Variants in ENOX1 observed in about 807,000 individuals in gnomAD.
The protein encoded by ENOX1 is ecto-NOX disulfide-thiol exchanger 1.
Under a neutral mutation model 82.5 loss-of-function variants are expected in ENOX1, and 42 were observed. That is an observed-to-expected ratio of 0.51 (90% CI 0.40 to 0.66). The LOEUF is 0.66. Among genes scored for constraint, ENOX1 ranks in the 30% least tolerant of loss-of-function variants. The pLI is 0.00. For missense variants in ENOX1, 608 were observed against 811.6 expected, an observed-to-expected ratio of 0.75 and a Z score of 3.05; for synonymous variants, 271 against 282.2, an observed-to-expected ratio of 0.96 and a Z score of 0.40.
intron 1 of ENOX1, among the ~76,000 whole-genome samples, chr13:43,755,794 C>T: frequency 6.6e-6 from 1 of 152,174 alleles, no homozygotes; most frequent in Admixed American, 6.5e-5. Flanking sequence ...ATGTTGATTA[C>T]TTTCTGGTAT....
intron 2 of ENOX1, among the ~76,000 whole-genome samples, chr13:43,502,061 A>G (rs1421121397): frequency 6.6e-6 from 1 of 151,642 alleles, no homozygotes; most frequent in African/African-American, 2.4e-5. Flanking sequence ...TGCCACAAAA[A>G]TAAAAAATAT....
intron 3 of ENOX1, among the ~76,000 whole-genome samples, chr13:43,448,144 C>A (rs537213472): frequency 1.3e-5 from 2 of 152,340 alleles, no homozygotes; most frequent in African/African-American, 4.8e-5. Flanking sequence ...TTGATTTTAT[C>A]AGCATTTGTC....
intron 5 of ENOX1, among the ~76,000 whole-genome samples, chr13:43,379,091 A>T (rs1482545171): frequency 1.3e-5 from 2 of 152,118 alleles, no homozygotes; most frequent in African/African-American, 4.8e-5. Flanking sequence ...GGAAAAGGCA[A>T]AAAAACAGAT....
At chr13:43,759,836 A>G (rs1360942241) in intron 1 of ENOX1, among the ~76,000 whole-genome samples, 5 of 152,224 alleles carry the variant, frequency 3.3e-5, no homozygotes, top group Non-Finnish European at 7.3e-5. Context: ...ATTAGGGCAT[A>G]TCCACCCACC....
At chr13:43,599,634 T>C (rs903719974) in intron 2 of ENOX1, among the ~76,000 whole-genome samples, 3 of 151,814 alleles carry the variant, frequency 2.0e-5, no homozygotes, top group Non-Finnish European at 4.4e-5. Context: ...TTCTGGTGCT[T>C]TGTTGGGCCA....
At position 43,434,701 on chromosome 13, in the gene ENOX1, T is replaced by C. The variant is rs181176106; in HGVS notation, c.-74-21713A>G. On this transcript the variant is annotated intron_variant, in intron 3 of 16. Transcript: ENST00000690772. ...ATTGGCAGTTTCATGTAGTTCAACCTAATATGTGTCAGGGAAAAAATATTA... is the reference window on the plus strand; with the variant it reads ...ATTGGCAGTTTCATGTAGTTCAACCCAATATGTGTCAGGGAAAAAATATTA... Among the ~76,000 whole-genome samples, 453 of 152,316 alleles carry C rather than the reference T, an allele frequency of 3.0e-3. 3 individuals are homozygous for C. The highest frequency in any genetic ancestry group is 0.011 in the African/African-American group (438 of 41,568).
intron 1 of ENOX1, among the ~76,000 whole-genome samples, chr13:43,714,064 T>C (rs1230804075): frequency 6.8e-6 from 1 of 145,998 alleles, no homozygotes; most frequent in East Asian, 2.0e-4. Flanking sequence ...GCTATAAATT[T>C]CCCTCTACAC....
intron 1 of ENOX1, among the ~76,000 whole-genome samples, chr13:43,720,335 C>T (rs529658721): frequency 6.5e-4 from 99 of 152,320 alleles, no homozygotes; most frequent in Non-Finnish European, 1.1e-3. Flanking sequence ...TCAGTGACTT[C>T]GCACAAGTTT....
chr13:43,297,582 T>C (rs926766221), intron 12 of ENOX1, among the ~76,000 whole-genome samples: 3 of 152,206 alleles, frequency 2.0e-5, no homozygotes, highest in Non-Finnish European at 2.9e-5. Flanking sequence ...GATACAAATC[T>C]GACTGTGAAT....
In ENOX1 at chr13:43,709,688, C is replaced by G. The variant is rs558269616; in HGVS notation, c.-284-42144G>C. 7.9e-5 allele frequency among the ~76,000 whole-genome samples: 12 copies of G among 151,918 alleles called. No individual in the cohort carries two copies. In the East Asian group the frequency reaches 2.3e-3, roughly 29 times the overall value. ...TAAATTATACATAGTTCAAGAAAATCTGAAAAAGATAAAAAGGTAGAAGTT... is the reference window on the plus strand; with the variant it reads ...TAAATTATACATAGTTCAAGAAAATGTGAAAAAGATAAAAAGGTAGAAGTT... On this transcript the variant is annotated intron_variant, in intron 1 of 16. Coordinates refer to ENST00000690772, the MANE Select transcript of ENOX1 (RefSeq NM_001347969.2).
chr13:43,244,706 T>C (rs1566320228), intron 14 of ENOX1, among the ~76,000 whole-genome samples: 1 of 152,142 alleles, frequency 6.6e-6, no homozygotes, highest in African/African-American at 2.4e-5. Flanking sequence ...GCGGCCTCCA[T>C]AGCTGCTAGT....
At chr13:43,484,756 TAAG>T (rs2076356179) in intron 2 of ENOX1, among the ~76,000 whole-genome samples, 1 of 152,244 alleles carries the variant, frequency 6.6e-6, no homozygotes, top group Non-Finnish European at 1.5e-5. Context: ...ACTAATTAAT[TAAG>T]AACTTGTCTT....
chr13:43,781,481 T>C (rs935667791), intron 1 of ENOX1, among the ~76,000 whole-genome samples: 1 of 152,196 alleles, frequency 6.6e-6, no homozygotes, highest in Non-Finnish European at 1.5e-5. Flanking sequence ...AAAACTACCA[T>C]ACACAGTTCT....
intron 5 of ENOX1, among the ~76,000 whole-genome samples, chr13:43,389,474 T>C (rs1407539846): frequency 1.3e-5 from 2 of 152,206 alleles, no homozygotes; most frequent in Admixed American, 6.5e-5. Flanking sequence ...ATTTAAAATA[T>C]GCATTCCTCT....
intron 3 of ENOX1, among the ~76,000 whole-genome samples, chr13:43,452,344 T>C (rs1456394939): frequency 6.6e-6 from 1 of 152,150 alleles, no homozygotes; most frequent in Non-Finnish European, 1.5e-5. Context: ...ATTGTTCAAC[T>C]CCCACTTATG....
In ENOX1 at chr13:43,290,384, T is replaced by TAC. The variant is rs557225133; in HGVS notation, c.1446+7960_1446+7961dup. 1.5e-3 allele frequency among the ~76,000 whole-genome samples: 220 copies of TAC among 150,138 alleles called. 1 individual carries two copies. Among genetic ancestry groups the TAC allele is most frequent in the African/African-American group, 4.3e-3 (176 of 41,148 alleles). On this transcript the variant is annotated intron_variant, in intron 12 of 16. Coordinates refer to ENST00000690772, the MANE Select transcript of ENOX1 (RefSeq NM_001347969.2). Reference sequence around the variant, plus strand: ...TGGGATATACATATATATATATATATACACACACACATACCACAGAATACA... The same window carrying TAC: ...TGGGATATACATATATATATATATATACACACACACACATACCACAGAATACA...
chr13:43,465,040 G>A (rs1471331632), intron 3 of ENOX1, among the ~76,000 whole-genome samples: 1 of 152,168 alleles, frequency 6.6e-6, no homozygotes, highest in Non-Finnish European at 1.5e-5. Context: ...TCAGGGGGCA[G>A]GCAAATGACA....
intron 1 of ENOX1, among the ~76,000 whole-genome samples, chr13:43,755,081 TAA>T (rs34738406): frequency 0.013 from 1,842 of 146,960 alleles, 17 homozygotes; most frequent in African/African-American, 0.025. Flanking sequence ...CTCAGGAGAT[TAA>T]AAAAAAAAAA....
intron 1 of ENOX1, among the ~76,000 whole-genome samples, chr13:43,732,879 C>T (rs1359825346): frequency 5.9e-5 from 9 of 152,222 alleles, no homozygotes; most frequent in Non-Finnish European, 1.0e-4. Context: ...GCCCATTAGA[C>T]TGCTCTGAAT....
Sources: allele counts gnomAD v4.1 joint callset (sites outside exome capture counted in the v4.1 genomes callset), GRCh38; gene constraint gnomAD v4.1.1; transcripts MANE v1.5; gene names NCBI Gene and HGNC (gene_info 2026-07-23, HGNC 2026-07-21).